The following ATXN1 variants were observed in gnomAD, a reference collection of about 807,000 sequenced individuals.
ATXN1 encodes ataxin 1, also known as ataxin-1.
ATXN1 carries 8 observed loss-of-function variants against 56.4 expected under a neutral mutation model. That is an observed-to-expected ratio of 0.14 (90% CI 0.08 to 0.26). The LOEUF (loss-of-function observed/expected upper bound fraction) is 0.26, where lower values mean the gene tolerates loss of function less well. Among genes scored for constraint, ATXN1 ranks in the 10% least tolerant of loss-of-function variants. ATXN1 has a pLI of 1.00. For synonymous variants in ATXN1, 514 were observed against 494.6 expected, an observed-to-expected ratio of 1.04 and a Z score of -0.52; for missense variants, 987 against 1,106.5, an observed-to-expected ratio of 0.89 and a Z score of 1.53.
chr6:16,411,194 C>T (rs1041877460), intron 6 of ATXN1, among the ~76,000 whole-genome samples: 2 of 150,206 alleles, frequency 1.3e-5, no homozygotes, highest in Admixed American at 1.3e-4. Flanking sequence ...AAACAAAAGC[C>T]TAAAGATGCT....
intron 2 of ATXN1, among the ~76,000 whole-genome samples, chr6:16,688,037 A>T (rs1758956749): frequency 6.6e-6 from 1 of 152,206 alleles, no homozygotes; most frequent in African/African-American, 2.4e-5. Flanking sequence ...TGGGTTATGT[A>T]TCCTGGGTTC....
intron 6 of ATXN1, among the ~76,000 whole-genome samples, chr6:16,370,437 G>C (rs1762015537): frequency 6.6e-6 from 1 of 152,200 alleles, no homozygotes; most frequent in South Asian, 2.1e-4. Flanking sequence ...TTTAAGAAAA[G>C]AGGCAACTGT....
At chr6:16,720,513 T>C (rs534600279) in intron 2 of ATXN1, among the ~76,000 whole-genome samples, 5 of 152,212 alleles carry the variant, frequency 3.3e-5, no homozygotes, top group Non-Finnish European at 7.3e-5. Context: ...TTCTGTGCTT[T>C]CACTCAATTA....
intron 4 of ATXN1, among the ~76,000 whole-genome samples, chr6:16,551,876 T>C (rs1000309760): frequency 6.6e-6 from 1 of 152,068 alleles, no homozygotes; most frequent in African/African-American, 2.4e-5. Flanking sequence ...TTGAAAACAC[T>C]GAAAATAAGG....
chr6:16,486,972 G>A (rs1760559919), intron 5 of ATXN1, among the ~76,000 whole-genome samples: 1 of 151,478 alleles, frequency 6.6e-6, no homozygotes, highest in Non-Finnish European at 1.5e-5. Flanking sequence ...TTGTTTATTT[G>A]CTGTTGCTTT....
In ATXN1 at chr6:16,760,233, C is replaced by A. The variant is rs946753708; in HGVS notation, c.-730+1065G>T. Among the ~76,000 whole-genome samples the A allele has an allele frequency of 6.6e-6, 1 of 151,970 alleles. No homozygotes were observed. Among genetic ancestry groups the A allele is most frequent in the Admixed American group, 6.5e-5 (1 of 15,274 alleles). ...CGCATCCCAATCCCCGCAGCGCCTC[C>A]TCCGCGGCGGCCGCCGCCTCCTCCT... On this transcript the variant is annotated intron_variant, in intron 1 of 7. Transcript: ENST00000436367. The surrounding 1 kb of genome is among the most constrained non-coding windows in gnomAD (Gnocchi z 5.3).
At chr6:16,421,783 C>G (rs150063216) in intron 6 of ATXN1, among the ~76,000 whole-genome samples, 3,366 of 151,864 alleles carry the variant, frequency 0.022, 52 homozygotes, top group Non-Finnish European at 0.036. Flanking sequence ...CATGTGCAGG[C>G]GTTGATATGC....
At chr6:16,407,120 T>C (rs1431147671) in intron 6 of ATXN1, among the ~76,000 whole-genome samples, 1 of 152,228 alleles carries the variant, frequency 6.6e-6, no homozygotes, top group Non-Finnish European at 1.5e-5. Flanking sequence ...CTAGTGATCA[T>C]CCATGAGGAA....
At chr6:16,319,856 CT>C (rs533611516) in intron 7 of ATXN1, among the ~76,000 whole-genome samples, 5,930 of 140,736 alleles carry the variant, frequency 0.042, 109 homozygotes, top group South Asian at 0.075. Flanking sequence ...CATTTTTCTC[CT>C]TTTTTTTTTT....
chr6:16,345,703 A>T (rs1222629779), intron 6 of ATXN1, among the ~76,000 whole-genome samples: 3 of 152,222 alleles, frequency 2.0e-5, no homozygotes, highest in Non-Finnish European at 4.4e-5. Context: ...AGTGGAGCCC[A>T]AGATGGCCCC....
At chr6:16,624,354 G>GGAA (rs1463347153) in intron 3 of ATXN1, among the ~76,000 whole-genome samples, 2 of 109,268 alleles carry the variant, frequency 1.8e-5, no homozygotes, top group Non-Finnish European at 4.1e-5. Context: ...TTTGTCTCAA[G>GGAA]AAAAAAAAAA....
At chr6:16,321,357 G>A (rs1310304110) in intron 7 of ATXN1, among the ~76,000 whole-genome samples, 1 of 152,192 alleles carries the variant, frequency 6.6e-6, no homozygotes, top group East Asian at 1.9e-4. Flanking sequence ...CATCCTTTGG[G>A]ACTCTCAACC....
chr6:16,735,923 A>G (rs1760114013), intron 2 of ATXN1, among the ~76,000 whole-genome samples: 1 of 152,236 alleles, frequency 6.6e-6, no homozygotes. Context: ...CTTATTCCGC[A>G]TTATTTTTCC....
chr6:16,376,161 C>G (rs1211417149), intron 6 of ATXN1, among the ~76,000 whole-genome samples: 1 of 152,192 alleles, frequency 6.6e-6, no homozygotes, highest in Non-Finnish European at 1.5e-5. Flanking sequence ...TATCTTAAGA[C>G]TTAGGAAGAA....
At chr6:16,600,786 A>G (rs1028759859) in intron 3 of ATXN1, among the ~76,000 whole-genome samples, 6 of 152,254 alleles carry the variant, frequency 3.9e-5, no homozygotes, top group Non-Finnish European at 8.8e-5. Flanking sequence ...TTAATCACCT[A>G]TAAGTTATGA....
At chr6:16,456,632 C>T (rs1759881348) in intron 6 of ATXN1, among the ~76,000 whole-genome samples, 1 of 152,178 alleles carries the variant, frequency 6.6e-6, no homozygotes, top group Non-Finnish European at 1.5e-5. Context: ...AAGACTCACC[C>T]ATCTATCCTA....
At chr6:16,440,796 G>A (rs1759502405) in intron 6 of ATXN1, among the ~76,000 whole-genome samples, 1 of 152,018 alleles carries the variant, frequency 6.6e-6, no homozygotes, top group Admixed American at 6.6e-5. Context: ...AACAAAAACA[G>A]AGAAATTGGA....
intron 6 of ATXN1, among the ~76,000 whole-genome samples, chr6:16,376,302 C>T (rs1259063364): frequency 6.6e-6 from 1 of 152,160 alleles, no homozygotes; most frequent in Non-Finnish European, 1.5e-5. Flanking sequence ...CCCCAAGGCA[C>T]TTTGGACTAA....
chr6:16,435,080 G>T (rs1238103246), intron 6 of ATXN1, among the ~76,000 whole-genome samples: 1 of 152,176 alleles, frequency 6.6e-6, no homozygotes, highest in Non-Finnish European at 1.5e-5. Flanking sequence ...ATGCTTCAAG[G>T]AGGACTTTTA....
Sources: allele counts gnomAD v4.1 joint callset (sites outside exome capture counted in the v4.1 genomes callset), GRCh38; gene constraint gnomAD v4.1.1; non-coding constraint Gnocchi (gnomAD v3.1); transcripts MANE v1.5; gene names NCBI Gene and HGNC (gene_info 2026-07-23, HGNC 2026-07-21).